Variants in MACROD2 observed in about 807,000 individuals in gnomAD.
The protein encoded by MACROD2 is ADP-ribose glycohydrolase MACROD2.
MACROD2 carries 36 observed loss-of-function variants against 70.4 expected under a neutral mutation model. The ratio of observed to expected loss-of-function variants is 0.51; its 90% confidence interval spans 0.39 to 0.68. The LOEUF (loss-of-function observed/expected upper bound fraction) is 0.68. Among genes scored for constraint, MACROD2 ranks in the 30% least tolerant of loss-of-function variants. The pLI, the probability that MACROD2 is intolerant of heterozygous loss-of-function variation, is 0.00. For synonymous variants in MACROD2, 172 were observed against 178.8 expected, an observed-to-expected ratio of 0.96 and a Z score of 0.30; for missense variants, 496 against 538.4, an observed-to-expected ratio of 0.92 and a Z score of 0.78.
chr20:14,386,095 T>A (rs1696100263), intron 3 of MACROD2, among the ~76,000 whole-genome samples: 1 of 152,228 alleles, frequency 6.6e-6, no homozygotes, highest in Admixed American at 6.5e-5. Flanking sequence ...ATTATTTAGT[T>A]TTCATCATAA....
chr20:15,922,870 C>T (rs1180434807), intron 10 of MACROD2, among the ~76,000 whole-genome samples: 4 of 152,204 alleles, frequency 2.6e-5, no homozygotes, highest in African/African-American at 9.7e-5. Flanking sequence ...CAAAGTTTTG[C>T]TCAATGATGA....
intron 5 of MACROD2, among the ~76,000 whole-genome samples, chr20:15,025,920 C>A (rs1333851357): frequency 2.0e-5 from 3 of 152,180 alleles, no homozygotes. Flanking sequence ...AAAGGGAAAG[C>A]CTGGATCATG....
At chr20:15,777,189 G>A (rs187286168) in intron 8 of MACROD2, among the ~76,000 whole-genome samples, 1 of 152,194 alleles carries the variant, frequency 6.6e-6, no homozygotes, top group Non-Finnish European at 1.5e-5. Flanking sequence ...GCATAAATAT[G>A]TTGTAATATA....
At chr20:15,108,856 G>C (rs1353941785) in intron 5 of MACROD2, among the ~76,000 whole-genome samples, 1 of 151,998 alleles carries the variant, frequency 6.6e-6, no homozygotes, top group African/African-American at 2.4e-5. Flanking sequence ...AGGAAAGTGA[G>C]GGTCAGGAAA....
chr20:15,036,677 A>G (rs1452496196), intron 5 of MACROD2, among the ~76,000 whole-genome samples: 1 of 152,112 alleles, frequency 6.6e-6, no homozygotes, highest in Non-Finnish European at 1.5e-5. Flanking sequence ...CACTAAAGTC[A>G]GTGTTTAACT....
At chr20:14,219,310 A>AGAAG (rs1326795543) in intron 3 of MACROD2, among the ~76,000 whole-genome samples, 1 of 151,498 alleles carries the variant, frequency 6.6e-6, no homozygotes, top group African/African-American at 2.4e-5. Context: ...TCTTTCTTCT[A>AGAAG]CTTGTTCAAT....
chr20:15,346,880 A>G (rs563719829), intron 6 of MACROD2, among the ~76,000 whole-genome samples: 2 of 152,214 alleles, frequency 1.3e-5, no homozygotes, highest in East Asian at 3.9e-4. Flanking sequence ...TTCCAATGGG[A>G]GTATATTTAG....
At chr20:14,026,420 G>A (rs2053166876) in intron 2 of MACROD2, among the ~76,000 whole-genome samples, 1 of 152,166 alleles carries the variant, frequency 6.6e-6, no homozygotes, top group Non-Finnish European at 1.5e-5. Context: ...GTTAATTGAT[G>A]CAGTTGCTTC....
chr20:14,988,207 T>C (rs1055487812), intron 5 of MACROD2, among the ~76,000 whole-genome samples: 2 of 151,566 alleles, frequency 1.3e-5, no homozygotes, highest in African/African-American at 4.9e-5. Flanking sequence ...CTACAAAAAA[T>C]ACAAAAACTA....
intron 5 of MACROD2, among the ~76,000 whole-genome samples, chr20:15,163,366 A>T (rs464107): frequency 0.82 from 124,696 of 151,462 alleles, 51,697 homozygotes; most frequent in African/African-American, 0.93. Flanking sequence ...AAAAGATATG[A>T]TGTTATTAGA....
intron 8 of MACROD2, chr20:15,552,464 T>G (rs540065246): frequency 1.3e-5 from 2 of 152,344 alleles, no homozygotes; most frequent in East Asian, 1.9e-4. Flanking sequence ...TGTTAGGTTT[T>G]GGGGTGTTTT....
intron 6 of MACROD2, among the ~76,000 whole-genome samples, chr20:15,268,745 G>A (rs1329181654): frequency 6.6e-6 from 1 of 152,168 alleles, no homozygotes; most frequent in African/African-American, 2.4e-5. Context: ...ATCAGACTAT[G>A]AGAATCATGG....
chr20:14,527,412 C>A (rs951332155), intron 4 of MACROD2, among the ~76,000 whole-genome samples: 1 of 152,140 alleles, frequency 6.6e-6, no homozygotes, highest in African/African-American at 2.4e-5. Flanking sequence ...CCTAGCACTT[C>A]CCTTCCTGCC....
chr20:14,981,360 A>G (rs1487079589), intron 5 of MACROD2, among the ~76,000 whole-genome samples: 1 of 150,760 alleles, frequency 6.6e-6, no homozygotes, highest in South Asian at 2.1e-4. Context: ...CCTTCATTTT[A>G]GCTTAAACCT....
chr20:14,105,366 C>CT lies in MACROD2; in HGVS notation c.271+19639dup, dbSNP rs1487144113. On this transcript the variant is annotated intron_variant, in intron 3 of 17. Transcript: ENST00000684519. ...GAAGGAGAGCACAGTGCCTGGGTGA[C>CT]TCAGTAAACTCAGCGCTGCCTTGTC... Among the ~76,000 whole-genome samples, 3 of 152,320 alleles carry CT rather than the reference C, an allele frequency of 2.0e-5. No individual in the cohort carries two copies. In the East Asian group the frequency reaches 5.8e-4, roughly 29 times the overall value.
chr20:15,367,752 C>T (rs1490689587), intron 6 of MACROD2, among the ~76,000 whole-genome samples: 1 of 151,738 alleles, frequency 6.6e-6, no homozygotes, highest in African/African-American at 2.4e-5. Flanking sequence ...TCTGACATTC[C>T]CTTATGTCCA....
chr20:14,801,527 G>A (rs1464800389), intron 5 of MACROD2, among the ~76,000 whole-genome samples: 1 of 152,040 alleles, frequency 6.6e-6, no homozygotes, highest in Non-Finnish European at 1.5e-5. Context: ...CACACCAGGA[G>A]TTTTTTATAC....
chr20:15,935,488 G>T (rs1337877079), intron 11 of MACROD2, among the ~76,000 whole-genome samples: 8 of 152,230 alleles, frequency 5.3e-5, no homozygotes, highest in South Asian at 2.1e-4. Context: ...TGACCTGCTG[G>T]TATTTTTCCA....
chr20:14,704,944 CTT>C (rs2071251453), intron 5 of MACROD2, among the ~76,000 whole-genome samples: 1 of 151,820 alleles, frequency 6.6e-6, no homozygotes, highest in South Asian at 2.1e-4. Flanking sequence ...AGGAACCTCT[CTT>C]GTGTCTCTCT....
Sources: allele counts gnomAD v4.1 joint callset (sites outside exome capture counted in the v4.1 genomes callset), GRCh38; gene constraint gnomAD v4.1.1; transcripts MANE v1.5; gene names NCBI Gene and HGNC (gene_info 2026-07-23, HGNC 2026-07-21).